The following CSMD1 variants were observed in gnomAD, a reference collection of about 807,000 sequenced individuals.
CSMD1 encodes CUB and Sushi multiple domains 1.
CSMD1 carries 213 observed loss-of-function variants against 417.5 expected under a neutral mutation model. That is an observed-to-expected ratio of 0.51 (90% CI 0.46 to 0.57). The LOEUF is 0.57. Among genes scored for constraint, CSMD1 ranks in the 20% least tolerant of loss-of-function variants. The pLI is 0.00. For missense variants in CSMD1, 6,923 were observed against 4,529.7 expected, an observed-to-expected ratio of 1.53 and a Z score of -15.17; for synonymous variants, 2,862 against 1,736.8, an observed-to-expected ratio of 1.65 and a Z score of -16.11.
At chr8:4,468,906 G>C (rs142992147) in intron 2 of CSMD1, among the ~76,000 whole-genome samples, 312 of 151,962 alleles carry the variant, frequency 2.1e-3, no homozygotes, top group African/African-American at 7.0e-3. Flanking sequence ...TTGGCTAATA[G>C]GAAAGGAATG....
At chr8:4,199,569 G>A (rs1369533344) in intron 3 of CSMD1, among the ~76,000 whole-genome samples, 4 of 152,110 alleles carry the variant, frequency 2.6e-5, no homozygotes, top group African/African-American at 4.8e-5. Flanking sequence ...AGGAGCTACC[G>A]GACAACAGAC....
intron 3 of CSMD1, among the ~76,000 whole-genome samples, chr8:4,239,505 T>C (rs529717137): frequency 6.6e-6 from 1 of 152,298 alleles, no homozygotes; most frequent in East Asian, 1.9e-4. Context: ...CACCCCAGTC[T>C]GGTCCTCAGA....
intron 5 of CSMD1, among the ~76,000 whole-genome samples, chr8:3,829,527 T>C (rs1407778227): frequency 6.6e-6 from 1 of 152,158 alleles, no homozygotes; most frequent in East Asian, 1.9e-4. Context: ...CACCAGAACA[T>C]GATTACATGA....
intron 7 of CSMD1, among the ~76,000 whole-genome samples, chr8:3,621,887 T>C (rs926016987): frequency 1.3e-5 from 2 of 151,990 alleles, no homozygotes; most frequent in African/African-American, 4.8e-5. Flanking sequence ...GGAATTACAG[T>C]AAGTTATCGT....
At chr8:4,213,231 C>A (rs531023718) in intron 3 of CSMD1, among the ~76,000 whole-genome samples, 1 of 152,196 alleles carries the variant, frequency 6.6e-6, no homozygotes, top group East Asian at 1.9e-4. Flanking sequence ...GTCTATGAAC[C>A]AGCTGGGTGG....
intron 1 of CSMD1, among the ~76,000 whole-genome samples, chr8:4,776,313 G>C (rs1796849962): frequency 6.6e-6 from 1 of 152,118 alleles, no homozygotes; most frequent in African/African-American, 2.4e-5. Context: ...CTTGTTGCTA[G>C]TTTTAATATT....
rs1459949507 is a variant in CSMD1, at chr8:3,920,350, C to T, written c.818+77553G>A. 2.0e-4 allele frequency among the ~76,000 whole-genome samples: 25 copies of T among 123,510 alleles called. No individual in the cohort carries two copies. In the Middle Eastern group the frequency reaches 0.011, roughly 56 times the overall value. The allele number at this position is 123,510 out of a possible 152,430, so 81.0% of individuals were successfully genotyped here. A position where few individuals can be genotyped will look rare whatever the true frequency, so the allele number is the denominator to read the frequency against. On this transcript the variant is annotated intron_variant, in intron 5 of 69. Transcript: ENST00000635120. ...GTACGTGCCCTATTTTTCTAAGATG[C>T]GTGTGTGTTTGTGTGTGTGTGTGTT...
rs1279221146 is a variant in CSMD1 at position 4,368,438 on chromosome 8, T to C, written c.415+51515A>G. Among the ~76,000 whole-genome samples, 5 of 152,318 alleles carry C rather than the reference T, an allele frequency of 3.3e-5. No individual in the cohort carries two copies. The East Asian group carries it at 9.6e-4, about 29-fold the overall frequency. On this transcript the variant is annotated intron_variant, in intron 3 of 69. Transcript: ENST00000635120. ...ATATTTGCCAGAAGATTCATTTTTC[T>C]GTTGTGTCTCTACCAGGGTTTTAAT...
chr8:3,937,725 T>A (rs1810601896), intron 5 of CSMD1, among the ~76,000 whole-genome samples: 1 of 152,182 alleles, frequency 6.6e-6, no homozygotes, highest in African/African-American at 2.4e-5. Context: ...GTTTCCACAT[T>A]AGTACACCAG....
intron 7 of CSMD1, among the ~76,000 whole-genome samples, chr8:3,648,494 T>C (rs764503327): frequency 6.6e-6 from 1 of 152,206 alleles, no homozygotes; most frequent in African/African-American, 2.4e-5. Context: ...GTGGAGTGAC[T>C]GCTGAGATTT....
intron 5 of CSMD1, among the ~76,000 whole-genome samples, chr8:3,989,610 A>G (rs983388455): frequency 2.0e-5 from 3 of 152,212 alleles, no homozygotes; most frequent in African/African-American, 4.8e-5. Context: ...GGTGCCATCT[A>G]TTTTAAATTT....
intron 1 of CSMD1, among the ~76,000 whole-genome samples, chr8:4,899,627 G>C (rs757106264): frequency 3.3e-5 from 5 of 152,072 alleles, no homozygotes; most frequent in East Asian, 1.9e-4. Context: ...ATAACATATA[G>C]GGTTTTGTCT....
chr8:4,329,231 T>C (rs187402491), intron 3 of CSMD1, among the ~76,000 whole-genome samples: 1 of 152,318 alleles, frequency 6.6e-6, no homozygotes, highest in Admixed American at 6.5e-5. Flanking sequence ...ACCTTATCAG[T>C]GTTGACATAT....
chr8:3,485,839 G>A (rs1478135923), intron 11 of CSMD1, among the ~76,000 whole-genome samples: 4 of 143,440 alleles, frequency 2.8e-5, no homozygotes, highest in Non-Finnish European at 4.7e-5. Context: ...AAATAAAACA[G>A]GAAATCTGAA....
intron 3 of CSMD1, among the ~76,000 whole-genome samples, chr8:4,240,877 A>G (rs1322899719): frequency 6.6e-6 from 1 of 152,200 alleles, no homozygotes; most frequent in African/African-American, 2.4e-5. Flanking sequence ...TGAGTTATGT[A>G]TTCATTCAGG....
intron 3 of CSMD1, among the ~76,000 whole-genome samples, chr8:4,080,719 C>T (rs1800085291): frequency 6.6e-6 from 1 of 152,034 alleles, no homozygotes; most frequent in African/African-American, 2.4e-5. Context: ...TTCATTTCTG[C>T]CATAGGAGAG....
In CSMD1 at chr8:4,461,273, A is replaced by G. The variant is rs140651308; in HGVS notation, c.303-41208T>C. Among the ~76,000 whole-genome samples, 1,090 of 152,204 alleles carry G rather than the reference A, an allele frequency of 7.2e-3. 44 individuals are homozygous for G. Among genetic ancestry groups the G allele is most frequent in the Admixed American group, 0.062 (950 of 15,294 alleles). On this transcript the variant is annotated intron_variant, in intron 2 of 69. Transcript: ENST00000635120. ...CACCTGCGAAAAGCCTACAGTTAAC[A>G]TTGTATTTAATGAAATATTGAACAT...
chr8:3,670,311 C>G (rs1293495217), intron 7 of CSMD1, among the ~76,000 whole-genome samples: 1 of 151,878 alleles, frequency 6.6e-6, no homozygotes, highest in Non-Finnish European at 1.5e-5. Flanking sequence ...ATGCTTCCTG[C>G]CCTCCAGCAT....
At chr8:4,042,608 C>T (rs145806433) in intron 3 of CSMD1, among the ~76,000 whole-genome samples, 1,551 of 151,726 alleles carry the variant, frequency 0.01, 27 homozygotes, top group African/African-American at 0.035. Flanking sequence ...AGGAATGATA[C>T]CCGTATGGGG....
Sources: allele counts gnomAD v4.1 joint callset (sites outside exome capture counted in the v4.1 genomes callset), GRCh38; gene constraint gnomAD v4.1.1; transcripts MANE v1.5; gene names NCBI Gene and HGNC (gene_info 2026-07-23, HGNC 2026-07-21).